ADGRG5: variants seen among roughly 807,000 people sequenced by gnomAD.
ADGRG5 encodes the protein G protein-coupled receptor 114.
ADGRG5 carries 37 observed loss-of-function variants against 53.2 expected under a neutral mutation model. That is an observed-to-expected ratio of 0.70 (90% CI 0.53 to 0.91). The LOEUF is 0.91. Among genes scored for constraint, ADGRG5 ranks in the 40% least tolerant of loss-of-function variants. The pLI, the probability that ADGRG5 is intolerant of heterozygous loss-of-function variation, is 0.00. For missense variants in ADGRG5, 614 were observed against 675.8 expected (o/e 0.91, Z 1.01); for synonymous variants, 277 against 290.4 (o/e 0.95, Z 0.47).
At chr16:57,554,885 A>G (rs1333995487) in intron 1 of ADGRG5, among the ~76,000 whole-genome samples, 4 of 152,068 alleles carry the variant, frequency 2.6e-5, no homozygotes, top group African/African-American at 9.7e-5. Flanking sequence ...ATTCAGTTGA[A>G]TATATTTTAT....
the ADGRG5 span, among the ~76,000 whole-genome samples, chr16:57,530,870 G>A: frequency 1.3e-5 from 2 of 151,746 alleles, no homozygotes; most frequent in African/African-American, 4.8e-5. Context: ...TCTGTCACCC[G>A]GCCACCTGTG....
upstream of ADGRG5, among the ~76,000 whole-genome samples, chr16:57,540,176 G>C (rs533037947): frequency 7.5e-4 from 114 of 152,322 alleles, no homozygotes; most frequent in Middle Eastern, 3.4e-3. Flanking sequence ...CTGGGAGGCA[G>C]AGGTTGCAGT....
upstream of ADGRG5, among the ~76,000 whole-genome samples, chr16:57,538,340 C>T (rs2032438447): frequency 6.6e-6 from 1 of 152,138 alleles, no homozygotes; most frequent in South Asian, 2.1e-4. Flanking sequence ...CACGGCGGCT[C>T]ACACTTGTAA....
At chr16:57,556,457 T>A (rs1484968046) in intron 1 of ADGRG5, among the ~76,000 whole-genome samples, 1 of 152,224 alleles carries the variant, frequency 6.6e-6, no homozygotes, top group African/African-American at 2.4e-5. Flanking sequence ...ATTGCCTTAC[T>A]AGCTGTATCT....
rs1203909944 is a variant in ADGRG5, at chr16:57,567,959, G to C, written c.925G>C (p.Val309Leu). 6.2e-7 allele frequency: 1 copy of C among 1,613,984 alleles called. No homozygotes were observed. Among genetic ancestry groups the C allele is most frequent in the Non-Finnish European group, 8.5e-7 (1 of 1,179,956 alleles). ...LLSPAFAMSP[V>L]PGSACTALAA... ...GAGCCCCGCATTCGCAATGTCTCCTGTGCCCGGGTCAGCATGCACGGCTCT... is the reference window on the plus strand; with the variant it reads ...GAGCCCCGCATTCGCAATGTCTCCTCTGCCCGGGTCAGCATGCACGGCTCT... The change falls in exon 9 of 12, where the codon GTG (valine) becomes CTG (leucine). Residue 309 changes from valine to leucine, a missense_variant. Transcript: ENST00000349457.
chr16:57,568,716 A>C (rs1194471362), intron 9 of ADGRG5, among the ~76,000 whole-genome samples: 3,839 of 46,766 alleles, frequency 0.082, no homozygotes, highest in Middle Eastern at 0.16. Flanking sequence ...TCACCTCCTC[A>C]ACCTCCATCA....
rs1405706420 is a variant in ADGRG5 at position 57,575,878 on chromosome 16, T to G, written c.*340T>G. 1.2e-5 allele frequency: 3 copies of G among 244,862 alleles called. No individual in the cohort carries two copies. The highest frequency in any genetic ancestry group is 2.5e-5 in the Non-Finnish European group (3 of 122,344). The allele number at this position is 244,862 out of a possible 1,614,324, so 15.2% of individuals were successfully genotyped here. On this transcript the variant is annotated 3_prime_UTR_variant, in exon 12 of 12. Coordinates refer to ENST00000349457, the MANE Select transcript of ADGRG5 (RefSeq NM_001304376.3). ...GTCTTTGAGTCTGTCTGTATGACCT[T>G]GGGCCTGCCACTTCTCACAGACCCT... is the stretch of plus-strand genomic sequence containing the variant.
rs537994359 is a variant in ADGRG5 at position 57,568,099 on chromosome 16, G to T, written c.1065G>T (p.Val355=). The T allele has an allele frequency of 9.3e-6, 15 of 1,613,842 alleles. No individual in the cohort carries two copies. The highest frequency in any genetic ancestry group is 1.7e-5 in the Admixed American group (1 of 59,984). Residue 355 remains valine (V), a synonymous_variant, in exon 9 of 12, where the codon GTG becomes GTT. Transcript: ENST00000349457. ...RVYNIYIRRY[V]FKLGVLGWGA... The stretch of plus-strand genomic sequence containing the variant: ...ACAACATCTACATCCGCAGATATGT[G>T]TTCAAGCTTGGTGTGCTAGGCTGGG...
intron 10 of ADGRG5, among the ~76,000 whole-genome samples, chr16:57,571,345 C>A (rs530954116): frequency 6.6e-6 from 1 of 152,114 alleles, no homozygotes; most frequent in Admixed American, 6.6e-5. Context: ...AGCTTAAGAA[C>A]TCTACCTGAG....
the ADGRG5 span, among the ~76,000 whole-genome samples, chr16:57,535,983 C>A: frequency 2.0e-5 from 3 of 152,210 alleles, no homozygotes; most frequent in South Asian, 6.2e-4. Context: ...GCCGCTGGCC[C>A]TGCGAACCGC....
rs183150736 is a variant in ADGRG5 at position 57,560,186 on chromosome 16, G to T, written c.-38-1870G>T. 2.6e-5 allele frequency among the ~76,000 whole-genome samples: 4 copies of T among 152,130 alleles called. No individual in the cohort carries two copies. In the East Asian group the frequency reaches 7.7e-4, roughly 29 times the overall value. The stretch of plus-strand genomic sequence containing the variant: ...AGTCCTGCTGTTCAGCATCAACCCG[G>T]GCCTTCCCTTCACACATTTTCTGGG... On this transcript the variant is annotated intron_variant, in intron 1 of 11. Coordinates refer to ENST00000349457, the MANE Select transcript of ADGRG5 (RefSeq NM_001304376.3).
chr16:57,571,592 G>T (rs1394471791), intron 10 of ADGRG5, among the ~76,000 whole-genome samples: 3 of 152,034 alleles, frequency 2.0e-5, no homozygotes, highest in Non-Finnish European at 4.4e-5. Flanking sequence ...CCAACCTACA[G>T]ATGAGGAAAT....
intron 1 of ADGRG5, among the ~76,000 whole-genome samples, chr16:57,558,467 C>T (rs1229083286): frequency 2.0e-5 from 3 of 152,224 alleles, no homozygotes; most frequent in Non-Finnish European, 4.4e-5. Context: ...AGTCCCTTCT[C>T]CAGCAGTAGA....
At chr16:57,568,295 C>A (rs538461656) in intron 9 of ADGRG5, among the ~76,000 whole-genome samples, 171 bp downstream of exon 9, 1 of 151,998 alleles carries the variant, frequency 6.6e-6, no homozygotes, top group South Asian at 2.1e-4. Context: ...AATTTTATCA[C>A]CTCTTCCACC....
At chr16:57,570,064 T>C (rs1372413638) in intron 9 of ADGRG5, among the ~76,000 whole-genome samples, 2 of 151,978 alleles carry the variant, frequency 1.3e-5, no homozygotes, top group Non-Finnish European at 1.5e-5. Flanking sequence ...CTTCTCTATC[T>C]CCAGCAGCAC....
upstream of ADGRG5, among the ~76,000 whole-genome samples, chr16:57,538,255 AGTTACCTAGGGGCT>A (rs529098992): frequency 3.9e-5 from 6 of 152,242 alleles, no homozygotes; most frequent in East Asian, 1.2e-3. Context: ...ATGTTATCTT[AGTTACCTAGGGGCT>A]GGGTGTTATT....
intron 1 of ADGRG5, among the ~76,000 whole-genome samples, 196 bp from the exon 2 acceptor site, chr16:57,561,860 G>T (rs551988726): frequency 6.6e-6 from 1 of 151,868 alleles, no homozygotes; most frequent in East Asian, 1.9e-4. Flanking sequence ...GGATTCTGGA[G>T]TCTTAGAGAC....
intron 1 of ADGRG5, among the ~76,000 whole-genome samples, chr16:57,543,593 T>C (rs1490323130): frequency 2.0e-5 from 3 of 152,094 alleles, no homozygotes; most frequent in African/African-American, 7.2e-5. Context: ...TGTTAGTGCT[T>C]TTTTGCAGAG....
chr16:57,568,739 C>T (rs1043785342), intron 9 of ADGRG5, among the ~76,000 whole-genome samples: 3 of 150,780 alleles, frequency 2.0e-5, no homozygotes, highest in Non-Finnish European at 4.4e-5. Context: ...ACCTCTTCCA[C>T]CTCCATCACC....
Sources: gnomAD v4.1 joint callset for allele counts (sites outside exome capture counted in the v4.1 genomes callset) on GRCh38, gnomAD v4.1.1 for gene constraint, MANE v1.5 for transcripts, NCBI Gene and HGNC (gene_info 2026-07-23, HGNC 2026-07-21) for gene names.